Variants in BNC2 observed in about 807,000 individuals in gnomAD.
The protein encoded by BNC2 is zinc finger protein basonuclin-2.
BNC2 carries 20 observed loss-of-function variants against 76.3 expected under a neutral mutation model. That is an observed-to-expected ratio of 0.26 (90% CI 0.18 to 0.38). The LOEUF is 0.38. BNC2 is among the 10% of genes least tolerant of loss of function. The pLI, the probability that BNC2 is intolerant of heterozygous loss-of-function variation, is 1.00. For missense variants in BNC2, 1,382 were observed against 1,399.8 expected, an observed-to-expected ratio of 0.99 and a Z score of 0.20; for synonymous variants, 582 against 514.8, an observed-to-expected ratio of 1.13 and a Z score of -1.77.
chr9:16,654,737 G>A (rs191195709), intron 3 of BNC2, among the ~76,000 whole-genome samples: 3 of 151,658 alleles, frequency 2.0e-5, no homozygotes, highest in African/African-American at 7.3e-5. Context: ...TCCAGAGCCT[G>A]AACCATTAGC....
At chr9:16,630,528 AG>A (rs1405753228) in intron 3 of BNC2, among the ~76,000 whole-genome samples, 1 of 152,226 alleles carries the variant, frequency 6.6e-6, no homozygotes, top group Non-Finnish European at 1.5e-5. Flanking sequence ...CCTGTGTGGA[AG>A]GAACTATTGG....
At chr9:16,567,591 T>C (rs1339150612) in intron 4 of BNC2, among the ~76,000 whole-genome samples, 9 of 152,204 alleles carry the variant, frequency 5.9e-5, no homozygotes, top group Non-Finnish European at 1.3e-4. Context: ...GTCACAGAAA[T>C]AAGAACATAT....
At chr9:16,547,278 C>G (rs368229060) in intron 5 of BNC2, among the ~76,000 whole-genome samples, 2 of 152,312 alleles carry the variant, frequency 1.3e-5, no homozygotes, top group East Asian at 3.9e-4. Context: ...GGCATGGGAG[C>G]CTTTACTTTT....
At chr9:16,703,588 G>T (rs1383081903) in intron 3 of BNC2, among the ~76,000 whole-genome samples, 1 of 152,156 alleles carries the variant, frequency 6.6e-6, no homozygotes, top group Non-Finnish European at 1.5e-5. Context: ...GCTTATTGGT[G>T]TAAGACTTCC....
At chr9:16,786,468 G>C (rs1366760814) in intron 1 of BNC2, among the ~76,000 whole-genome samples, 1 of 152,146 alleles carries the variant, frequency 6.6e-6, no homozygotes. Flanking sequence ...ACCTGAATAA[G>C]CTTACACACG....
chr9:16,842,161 CTTATG>C (rs1221497128), intron 1 of BNC2, among the ~76,000 whole-genome samples: 2 of 152,126 alleles, frequency 1.3e-5, no homozygotes, highest in Non-Finnish European at 2.9e-5. Context: ...GCTGCTTTGC[CTTATG>C]TTATTTTAAC....
At chr9:16,719,514 T>G (rs547980903) in intron 3 of BNC2, among the ~76,000 whole-genome samples, 1 of 152,268 alleles carries the variant, frequency 6.6e-6, no homozygotes, top group Admixed American at 6.5e-5. Context: ...AAATGTGAGT[T>G]CTGAAGAACT....
At chr9:16,544,016 C>T in intron 5 of BNC2, among the ~76,000 whole-genome samples, 1 of 152,144 alleles carries the variant, frequency 6.6e-6, no homozygotes, top group East Asian at 1.9e-4. Flanking sequence ...AAAAGAATCA[C>T]ATATTGGTGA....
intron 5 of BNC2, among the ~76,000 whole-genome samples, chr9:16,539,217 G>C (rs1028575364): frequency 1.3e-5 from 2 of 152,048 alleles, no homozygotes; most frequent in Admixed American, 1.3e-4. Context: ...ATATTTGTGG[G>C]GAAAAATAAA....
At chr9:16,845,729 A>G (rs1358547220) in intron 1 of BNC2, among the ~76,000 whole-genome samples, 2 of 152,140 alleles carry the variant, frequency 1.3e-5, no homozygotes, top group Non-Finnish European at 2.9e-5. Flanking sequence ...TCAAAATAAA[A>G]TAAAAATAAA....
At chr9:16,430,962 A>C (rs1820897161) in intron 6 of BNC2, among the ~76,000 whole-genome samples, 1 of 152,204 alleles carries the variant, frequency 6.6e-6, no homozygotes, top group South Asian at 2.1e-4. Context: ...CATATGGCTA[A>C]ATCATCTTTC....
chr9:16,524,478 T>G (rs922368686), intron 5 of BNC2, among the ~76,000 whole-genome samples: 1 of 151,686 alleles, frequency 6.6e-6, no homozygotes, highest in Non-Finnish European at 1.5e-5. Flanking sequence ...CCTTGATTCC[T>G]GTTTCCATTT....
At chr9:16,616,836 G>GAAGGAAGGAAGTAAGT (rs796264760) in intron 3 of BNC2, among the ~76,000 whole-genome samples, 6 of 150,210 alleles carry the variant, frequency 4.0e-5, no homozygotes, top group Non-Finnish European at 7.4e-5. Flanking sequence ...AGGAAGGAAG[G>GAAGGAAGGAAGTAAGT]AAGTTCTACT....
intron 5 of BNC2, among the ~76,000 whole-genome samples, chr9:16,502,269 T>C (rs2131798272): frequency 6.6e-6 from 1 of 152,280 alleles, no homozygotes; most frequent in East Asian, 1.9e-4. Flanking sequence ...AAGGATCACT[T>C]GAATTCAGTT....
rs189580688 is a variant in BNC2, at chr9:16,863,243, G to A, written c.3+7403C>T. Among the ~76,000 whole-genome samples, 8 of 152,174 alleles carry A rather than the reference G, an allele frequency of 5.3e-5. No individual in the cohort carries two copies. The East Asian group carries it at 9.7e-4, about 18-fold the overall frequency. ...TCAATATATTCTACACAGTACTTCC[G>A]CCCGCTGGCCAAAAGGCTGGGGCAT... On this transcript the variant is annotated intron_variant, in intron 1 of 6. Coordinates refer to ENST00000380672, the MANE Select transcript of BNC2 (RefSeq NM_017637.6).
chr9:16,630,485 C>T (rs768041762), intron 3 of BNC2, among the ~76,000 whole-genome samples: 1 of 152,028 alleles, frequency 6.6e-6, no homozygotes, highest in Non-Finnish European at 1.5e-5. Flanking sequence ...AAAATGAATA[C>T]AAAAGACAAG....
intron 3 of BNC2, among the ~76,000 whole-genome samples, chr9:16,634,448 T>C (rs1821255744): frequency 6.6e-6 from 1 of 152,066 alleles, no homozygotes; most frequent in South Asian, 2.1e-4. Context: ...ATTATTGTTA[T>C]TAAGAGTAAC....
intron 1 of BNC2, among the ~76,000 whole-genome samples, chr9:16,804,231 T>G (rs995893592): frequency 3.3e-5 from 5 of 152,244 alleles, no homozygotes; most frequent in Non-Finnish European, 5.9e-5. Context: ...CTAAAAGTAA[T>G]GCACAATGAT....
intron 3 of BNC2, among the ~76,000 whole-genome samples, chr9:16,722,200 T>G (rs911359526): frequency 6.6e-6 from 1 of 152,190 alleles, no homozygotes; most frequent in Non-Finnish European, 1.5e-5. Context: ...CCTGGCAAAC[T>G]TGAATGCTTT....
Sources: allele counts gnomAD v4.1 joint callset (sites outside exome capture counted in the v4.1 genomes callset), GRCh38; gene constraint gnomAD v4.1.1; transcripts MANE v1.5; gene names NCBI Gene and HGNC (gene_info 2026-07-23, HGNC 2026-07-21).